The following ERG variants were observed in gnomAD, a reference collection of about 807,000 sequenced individuals.
The protein encoded by ERG is transcriptional regulator ERG.
Under a neutral mutation model 55.3 loss-of-function variants are expected in ERG, and 9 were observed. The observed-to-expected ratio is 0.16, with a 90% CI of 0.10 to 0.28. The LOEUF (loss-of-function observed/expected upper bound fraction) is 0.28. Ranked by LOEUF, ERG falls within the 10% of genes least tolerant of loss-of-function variation. ERG has a pLI of 1.00. For synonymous variants in ERG, 223 were observed against 237.3 expected, an observed-to-expected ratio of 0.94 and a Z score of 0.55; for missense variants, 434 against 631.6, an observed-to-expected ratio of 0.69 and a Z score of 3.35.
intron 3 of ERG, among the ~76,000 whole-genome samples, chr21:38,422,202 G>T (rs1174561616): frequency 6.6e-6 from 1 of 152,238 alleles, no homozygotes; most frequent in Non-Finnish European, 1.5e-5. Flanking sequence ...GAAGGAAAAT[G>T]ATATGGAACT....
chr21:38,558,832 A>G (rs1375509704), intron 2 of ERG, among the ~76,000 whole-genome samples: 1 of 152,276 alleles, frequency 6.6e-6, no homozygotes, highest in Non-Finnish European at 1.5e-5. Context: ...AAATGGAGTC[A>G]TAAAGGCAAT....
chr21:38,394,638 C>T (rs2068546082), intron 6 of ERG, among the ~76,000 whole-genome samples: 1 of 152,164 alleles, frequency 6.6e-6, no homozygotes, highest in East Asian at 1.9e-4. Flanking sequence ...AGGCGTGAGC[C>T]ACCGCGCCTG....
rs531748305 is a variant in ERG at position 38,381,797 on chromosome 21, C to T, written c.*1606G>A. ...AATATGGAGGCTCCAATGTGAAACC[C>T]GGGGTCCTTCTGTTCCAAAAGGGGC... is the stretch of plus-strand genomic sequence containing the variant. On this transcript the variant is annotated 3_prime_UTR_variant, in exon 10 of 10. Coordinates refer to ENST00000288319, the MANE Select transcript of ERG (RefSeq NM_182918.4). 2.0e-5 allele frequency: 21 copies of T among 1,063,248 alleles called. No individual in the cohort carries two copies. The highest frequency in any genetic ancestry group is 4.9e-5 in the African/African-American group (3 of 60,912). 65.9% of individuals were successfully genotyped at this position (1,063,248 alleles called of 1,614,324 possible). A position where few individuals can be genotyped will look rare whatever the true frequency, so the allele number is the denominator to read the frequency against.
chr21:38,457,313 G>A (rs919489838), intron 1 of ERG, among the ~76,000 whole-genome samples: 22 of 152,194 alleles, frequency 1.4e-4, no homozygotes, highest in Admixed American at 7.8e-4. Flanking sequence ...GCACATGCCT[G>A]TAGTCCCAGC....
intron 1 of ERG, among the ~76,000 whole-genome samples, chr21:38,634,581 A>G (rs913130711): frequency 6.6e-6 from 1 of 152,208 alleles, no homozygotes; most frequent in South Asian, 2.1e-4. Context: ...AAGTGGAGAG[A>G]ACATCTGTAT....
chr21:38,452,200 T>G (rs1006048986), intron 1 of ERG, among the ~76,000 whole-genome samples: 6 of 152,274 alleles, frequency 3.9e-5, no homozygotes, highest in Non-Finnish European at 7.4e-5. Context: ...ACTAGTCCAG[T>G]GCTAAGAAAT....
chr21:38,604,150 A>T (rs983946444), intron 1 of ERG, among the ~76,000 whole-genome samples: 1 of 151,108 alleles, frequency 6.6e-6, no homozygotes, highest in Non-Finnish European at 1.5e-5. Context: ...GCTATTCGGG[A>T]GGCTGAGGCA....
At chr21:38,579,289 T>C (rs1171931675) in intron 1 of ERG, among the ~76,000 whole-genome samples, 3 of 152,158 alleles carry the variant, frequency 2.0e-5, no homozygotes, top group East Asian at 1.9e-4. Flanking sequence ...TTGTTTCTTA[T>C]GGGGAAGTTT....
At chr21:38,522,204 T>C (rs1318512599) in intron 2 of ERG, among the ~76,000 whole-genome samples, 2 of 152,168 alleles carry the variant, frequency 1.3e-5, no homozygotes, top group Non-Finnish European at 2.9e-5. Flanking sequence ...AGCTGTTTCA[T>C]ATATAAGTTT....
intron 1 of ERG, among the ~76,000 whole-genome samples, chr21:38,451,461 T>C (rs2058941042): frequency 1.3e-5 from 2 of 152,252 alleles, no homozygotes; most frequent in South Asian, 4.1e-4. Flanking sequence ...TAATGAGTAC[T>C]ATGCAGGAAA....
chr21:38,596,396 T>C (rs1298976247), intron 1 of ERG, among the ~76,000 whole-genome samples: 1 of 152,154 alleles, frequency 6.6e-6, no homozygotes, highest in African/African-American at 2.4e-5. Context: ...GTCTGCTAAG[T>C]GTAGAGAAAG....
intron 1 of ERG, among the ~76,000 whole-genome samples, chr21:38,645,315 G>A (rs1166718082): frequency 6.6e-6 from 1 of 152,176 alleles, no homozygotes; most frequent in Non-Finnish European, 1.5e-5. Flanking sequence ...TGGCTATAGA[G>A]AAACAAATAT....
upstream of ERG, among the ~76,000 whole-genome samples, chr21:38,502,057 C>T (rs2836447): frequency 0.25 from 37,739 of 152,124 alleles, 5,339 homozygotes; most frequent in African/African-American, 0.4. Flanking sequence ...TGAATGACAG[C>T]CACATGGTTC....
chr21:38,466,249 C>G (rs1044581207), intron 1 of ERG, among the ~76,000 whole-genome samples: 1 of 150,868 alleles, frequency 6.6e-6, no homozygotes, highest in African/African-American at 2.4e-5. Context: ...AAATCCATCA[C>G]TACAATAATG....
At chr21:38,409,462 G>A (rs1277256138) in intron 3 of ERG, among the ~76,000 whole-genome samples, 1 of 147,158 alleles carries the variant, frequency 6.8e-6, no homozygotes, top group Admixed American at 6.8e-5. Flanking sequence ...CAGAAGCCTG[G>A]GCAACAAGAG....
intron 1 of ERG, among the ~76,000 whole-genome samples, chr21:38,454,330 T>A (rs1437714296): frequency 6.6e-6 from 1 of 152,218 alleles, no homozygotes; most frequent in Non-Finnish European, 1.5e-5. Flanking sequence ...AGCTGGGCTC[T>A]GCCCTTGCTC....
At chr21:38,487,145 T>TG (rs1555841991) in intron 1 of ERG, among the ~76,000 whole-genome samples, 1 of 21,800 alleles carries the variant, frequency 4.6e-5, no homozygotes, top group African/African-American at 1.1e-4. Flanking sequence ...TTCACTATCC[T>TG]GGAAAAAAAA....
chr21:38,599,082 C>T (rs1369266909), intron 1 of ERG, among the ~76,000 whole-genome samples: 1 of 152,194 alleles, frequency 6.6e-6, no homozygotes, highest in African/African-American at 2.4e-5. Context: ...GGGTTCTGAG[C>T]TACCAGGGCA....
chr21:38,476,638 A>G (rs1438401952), intron 1 of ERG, among the ~76,000 whole-genome samples: 1 of 152,188 alleles, frequency 6.6e-6, no homozygotes, highest in Non-Finnish European at 1.5e-5. Flanking sequence ...TAAACTGGAG[A>G]GCAATTAACC....
Sources: allele counts gnomAD v4.1 joint callset (sites outside exome capture counted in the v4.1 genomes callset), GRCh38; gene constraint gnomAD v4.1.1; transcripts MANE v1.5; gene names NCBI Gene and HGNC (gene_info 2026-07-23, HGNC 2026-07-21).